KSR2: variants seen among roughly 807,000 people sequenced by gnomAD.
The protein encoded by KSR2 is kinase suppressor of ras 2.
A neutral mutation model predicts 107.8 loss-of-function variants in KSR2; 25 were observed. The observed-to-expected ratio is 0.23, with a 90% confidence interval of 0.17 to 0.32. The LOEUF (loss-of-function observed/expected upper bound fraction) is 0.32. Ranked by LOEUF, KSR2 falls within the 10% of genes least tolerant of loss-of-function variation. KSR2 has a pLI of 1.00. For synonymous variants in KSR2, 480 were observed against 507.0 expected, an observed-to-expected ratio of 0.95 and a Z score of 0.71; for missense variants, 887 against 1,268.9, an observed-to-expected ratio of 0.70 and a Z score of 4.57.
chr12:117,909,492 A>C (rs1387316455), intron 1 of KSR2, among the ~76,000 whole-genome samples: 1 of 152,242 alleles, frequency 6.6e-6, no homozygotes, highest in Admixed American at 6.5e-5. Flanking sequence ...GAAGTGTGGT[A>C]TGTGTATGCC....
At chr12:117,875,605 C>T (rs1315952272) in intron 1 of KSR2, among the ~76,000 whole-genome samples, 2 of 152,126 alleles carry the variant, frequency 1.3e-5, no homozygotes, top group Admixed American at 6.5e-5. Context: ...TGCCCGTCAG[C>T]ACCCCATAAT....
intron 5 of KSR2, among the ~76,000 whole-genome samples, chr12:117,603,693 A>C (rs1296099010): frequency 6.6e-6 from 1 of 152,246 alleles, no homozygotes; most frequent in East Asian, 1.9e-4. Flanking sequence ...AAATAAAAAG[A>C]AAATTCTAAC....
Position 117,689,114 on chromosome 12 carries a change from T to C in KSR2, c.987-21456A>G, listed in dbSNP as rs1403493912. Reference sequence around the variant, plus strand: ...CTAATACCAACATACAATGAATATGTCCAAACATTATATAAATGTATATAT... The same window carrying C: ...CTAATACCAACATACAATGAATATGCCCAAACATTATATAAATGTATATAT... On this transcript the variant is annotated intron_variant, in intron 4 of 19. Coordinates refer to ENST00000339824, the MANE Select transcript of KSR2 (RefSeq NM_173598.6). 6.6e-5 allele frequency among the ~76,000 whole-genome samples: 10 copies of C among 152,324 alleles called. No homozygotes were observed. In the East Asian group the frequency reaches 1.9e-3, roughly 29 times the overall value.
intron 1 of KSR2, among the ~76,000 whole-genome samples, chr12:117,953,195 G>A: frequency 6.6e-6 from 1 of 151,940 alleles, no homozygotes; most frequent in East Asian, 1.9e-4. Context: ...AATAACAAAA[G>A]TCATCAAGGA....
chr12:117,904,776 C>G (rs2137406064), intron 1 of KSR2, among the ~76,000 whole-genome samples: 1 of 152,268 alleles, frequency 6.6e-6, no homozygotes, highest in South Asian at 2.1e-4. Flanking sequence ...TGTATTTAGC[C>G]CCCAAGAAGA....
intron 5 of KSR2, among the ~76,000 whole-genome samples, chr12:117,615,094 C>T (rs1881800436): frequency 6.6e-6 from 1 of 151,892 alleles, no homozygotes; most frequent in African/African-American, 2.4e-5. Flanking sequence ...GTTCTCCTGT[C>T]TAGTCTACCC....
chr12:117,650,614 T>G (rs1883864023), intron 5 of KSR2, among the ~76,000 whole-genome samples: 1 of 152,112 alleles, frequency 6.6e-6, no homozygotes, highest in Non-Finnish European at 1.5e-5. Flanking sequence ...GCATGAACTG[T>G]TTAGAGAATT....
chr12:117,600,909 A>G (rs998662071), intron 5 of KSR2, among the ~76,000 whole-genome samples: 6 of 152,122 alleles, frequency 3.9e-5, no homozygotes, highest in African/African-American at 1.4e-4. Context: ...GGGGACTCCT[A>G]TGTTCCGGAA....
chr12:117,659,607 T>C (rs1468270288), intron 5 of KSR2, among the ~76,000 whole-genome samples: 2 of 152,196 alleles, frequency 1.3e-5, no homozygotes, highest in Admixed American at 6.5e-5. Flanking sequence ...AGCCATTGGT[T>C]GGCATCAGGA....
chr12:117,577,367 G>T (rs1214646298), intron 7 of KSR2, among the ~76,000 whole-genome samples: 1 of 103,334 alleles, frequency 9.7e-6, no homozygotes, highest in African/African-American at 5.6e-5. Flanking sequence ...GAGAGAGAGA[G>T]GGGGGGAGAG....
At chr12:117,960,455 C>T (rs1366579123) in intron 1 of KSR2, among the ~76,000 whole-genome samples, 1 of 152,204 alleles carries the variant, frequency 6.6e-6, no homozygotes, top group Non-Finnish European at 1.5e-5. Flanking sequence ...TCTAGGAACA[C>T]CGTTGCTGCC....
intron 4 of KSR2, among the ~76,000 whole-genome samples, chr12:117,750,358 T>C (rs1888572534): frequency 6.6e-6 from 1 of 151,782 alleles, no homozygotes; most frequent in African/African-American, 2.4e-5. Flanking sequence ...TTTTATGTTA[T>C]AGAATATATA....
At chr12:117,702,986 A>G (rs1453079260) in intron 4 of KSR2, among the ~76,000 whole-genome samples, 1 of 152,226 alleles carries the variant, frequency 6.6e-6, no homozygotes, top group Non-Finnish European at 1.5e-5. Flanking sequence ...GTGAGGAAGG[A>G]CAGTTTTCCA....
chr12:117,458,457 T>G lies in KSR2; in HGVS notation c.*8742A>C, dbSNP rs1870733852. On this transcript the variant is annotated 3_prime_UTR_variant, in exon 20 of 20. Transcript: ENST00000339824. ...AAAACTAAGATTTGTTTTTAATCAT[T>G]AGACTTTCAAATTTAAGAAGGCGCG... The G allele has an allele frequency of 6.6e-6, 1 of 152,114 alleles. No homozygotes were observed. Among genetic ancestry groups the G allele is most frequent in the Admixed American group, 6.5e-5 (1 of 15,278 alleles). The allele number at this position is 152,114 out of a possible 1,614,324, so 9.4% of individuals were successfully genotyped here.
chr12:117,754,356 G>A (rs1888713970), intron 4 of KSR2, among the ~76,000 whole-genome samples: 2 of 152,256 alleles, frequency 1.3e-5, no homozygotes, highest in South Asian at 2.1e-4. Context: ...AGCCTTCCTC[G>A]GCCAGGCATG....
rs2137088514 is a variant in KSR2, at chr12:117,456,948, C to G, written c.*10251G>C. On this transcript the variant is annotated 3_prime_UTR_variant, in exon 20 of 20. Transcript: ENST00000339824. Reference sequence around the variant, plus strand: ...CAAGGAAGGTAGAAAAGGCCCTTCACTATCTGGGAGACTTTCCTTCCTGGG... The same window carrying G: ...CAAGGAAGGTAGAAAAGGCCCTTCAGTATCTGGGAGACTTTCCTTCCTGGG... The G allele has an allele frequency of 6.6e-6, 1 of 152,338 alleles. No homozygotes were observed. Among genetic ancestry groups the G allele is most frequent in the South Asian group, 2.1e-4 (1 of 4,822 alleles). 9.4% of individuals were successfully genotyped at this position (152,338 alleles called of 1,614,324 possible).
rs562430289 is a variant in KSR2, at chr12:117,457,407, G to C, written c.*9792C>G. ...GATGTCACACTTTGGATGTCAACTG[G>C]AGGCTTTTGAAATCCACCAACATAC... On this transcript the variant is annotated 3_prime_UTR_variant, in exon 20 of 20. Coordinates refer to ENST00000339824, the MANE Select transcript of KSR2 (RefSeq NM_173598.6). The C allele has an allele frequency of 3.6e-4, 55 of 152,306 alleles. No homozygotes were observed. The highest frequency in any genetic ancestry group is 1.3e-3 in the African/African-American group (52 of 41,562). The allele number at this position is 152,306 out of a possible 1,614,324, so 9.4% of individuals were successfully genotyped here.
In KSR2 at chr12:117,823,068, G is replaced by A. The variant is rs186331615; in HGVS notation, c.472+32360C>T. 2.0e-3 allele frequency among the ~76,000 whole-genome samples: 310 copies of A among 151,900 alleles called. 1 individual carries two copies. The highest frequency in any genetic ancestry group is 7.2e-3 in the African/African-American group (299 of 41,424). On this transcript the variant is annotated intron_variant, in intron 3 of 19. Transcript: ENST00000339824. ...AAAGAAAAGAATGTTCCAGACAGAG[G>A]CTACAATATATGCAAAGGTCCTGAA...
Position 117,531,535 on chromosome 12 carries a change from A to G in KSR2, c.1729+131T>C. 13 of 733,754 alleles carry G rather than the reference A, an allele frequency of 1.8e-5. No individual in the cohort carries two copies. The South Asian group carries it at 2.2e-4, about 12-fold the overall frequency. 45.5% of individuals were successfully genotyped at this position (733,754 alleles called of 1,614,324 possible). On this transcript the variant is annotated intron_variant, in intron 11 of 19. Coordinates refer to ENST00000339824, the MANE Select transcript of KSR2 (RefSeq NM_173598.6). ...CTTCCATGTTCAGCCATTATCCTGG[A>G]GTGTGGTGACTCCACTACCCTCTTT... is the stretch of plus-strand genomic sequence containing the variant.
Sources: allele counts gnomAD v4.1 joint callset (sites outside exome capture counted in the v4.1 genomes callset), GRCh38; gene constraint gnomAD v4.1.1; transcripts MANE v1.5; gene names NCBI Gene and HGNC (gene_info 2026-07-23, HGNC 2026-07-21).